Variants in PLPPR1 observed in about 807,000 individuals in gnomAD.
PLPPR1 encodes phospholipid phosphatase related 1, also known as phospholipid phosphatase-related protein type 1.
PLPPR1 carries 10 observed loss-of-function variants against 33.1 expected under a neutral mutation model. That is an observed-to-expected ratio of 0.30 (90% CI 0.19 to 0.51). PLPPR1 has a LOEUF of 0.51. Among genes scored for constraint, PLPPR1 ranks in the 20% least tolerant of loss-of-function variants. The pLI is 0.97. For missense variants in PLPPR1, 304 were observed against 408.1 expected (o/e 0.74, Z 2.20); for synonymous variants, 151 against 151.0 (o/e 1.00, Z 0.00).
At chr9:101,184,317 G>A (rs1469042063) in intron 1 of PLPPR1, among the ~76,000 whole-genome samples, 1 of 151,346 alleles carries the variant, frequency 6.6e-6, no homozygotes, top group Non-Finnish European at 1.5e-5. Flanking sequence ...GTGAGGAGTT[G>A]ATATCTCAAA....
intron 3 of PLPPR1, among the ~76,000 whole-genome samples, chr9:101,272,087 T>C (rs959093206): frequency 6.6e-6 from 1 of 152,174 alleles, no homozygotes; most frequent in African/African-American, 2.4e-5. Context: ...AAGTTGTATA[T>C]ACAATTCTGT....
intron 2 of PLPPR1, among the ~76,000 whole-genome samples, chr9:101,211,730 G>A (rs1361527017): frequency 1.3e-5 from 2 of 152,166 alleles, no homozygotes; most frequent in Non-Finnish European, 2.9e-5. Context: ...AAAGATTTTA[G>A]TCTTTTGGAC....
chr9:101,102,241 C>A (rs1216124419), intron 1 of PLPPR1, among the ~76,000 whole-genome samples: 1 of 124,126 alleles, frequency 8.1e-6, no homozygotes, highest in Non-Finnish European at 1.6e-5. Flanking sequence ...GTGCGCTGCA[C>A]CCACTAACTC....
At chr9:101,263,989 G>A (rs1047073154) in intron 2 of PLPPR1, among the ~76,000 whole-genome samples, 4 of 151,898 alleles carry the variant, frequency 2.6e-5, no homozygotes, top group Non-Finnish European at 2.9e-5. Flanking sequence ...CCTCTCAGGG[G>A]GTCAAACTTA....
intron 1 of PLPPR1, among the ~76,000 whole-genome samples, chr9:101,088,068 A>G (rs1252223169): frequency 6.6e-6 from 1 of 152,128 alleles, no homozygotes; most frequent in African/African-American, 2.4e-5. Flanking sequence ...ACCCTTACTG[A>G]TAGTTTGGAA....
intron 1 of PLPPR1, among the ~76,000 whole-genome samples, chr9:101,139,475 A>G (rs1003833027): frequency 6.6e-6 from 1 of 152,212 alleles, no homozygotes; most frequent in African/African-American, 2.4e-5. Context: ...CTCTATAGAC[A>G]TTTAAAAAGC....
chr9:101,250,100 A>C (rs1827690248), intron 2 of PLPPR1, among the ~76,000 whole-genome samples: 1 of 152,038 alleles, frequency 6.6e-6, no homozygotes, highest in Non-Finnish European at 1.5e-5. Context: ...GTTAGTACCA[A>C]AGGCTTATTA....
chr9:101,213,396 A>G (rs1419470061), intron 2 of PLPPR1, among the ~76,000 whole-genome samples: 1 of 152,222 alleles, frequency 6.6e-6, no homozygotes, highest in Non-Finnish European at 1.5e-5. Flanking sequence ...TAAATTCAAA[A>G]TAAGGAATCT....
At chr9:101,247,398 C>G (rs1255682327) in intron 2 of PLPPR1, among the ~76,000 whole-genome samples, 1 of 152,038 alleles carries the variant, frequency 6.6e-6, no homozygotes, top group Non-Finnish European at 1.5e-5. Context: ...CACTTAGCAT[C>G]TGAGAGGCGA....
intron 2 of PLPPR1, among the ~76,000 whole-genome samples, chr9:101,229,154 G>C (rs1271293483): frequency 1.3e-5 from 2 of 152,124 alleles, no homozygotes; most frequent in African/African-American, 2.4e-5. Context: ...GAGCCACAAT[G>C]ATACATTAAT....
intron 2 of PLPPR1, among the ~76,000 whole-genome samples, chr9:101,237,844 A>ATG (rs201614576): frequency 1.0e-4 from 11 of 106,158 alleles, no homozygotes; most frequent in African/African-American, 3.0e-4. Context: ...TATGCTATAT[A>ATG]TGTGTGTGTG....
intron 5 of PLPPR1, among the ~76,000 whole-genome samples, chr9:101,310,698 G>A (rs1344759877): frequency 6.6e-6 from 1 of 152,182 alleles, no homozygotes; most frequent in African/African-American, 2.4e-5. Context: ...TTAATACACA[G>A]TCATTCTTTG....
intron 1 of PLPPR1, among the ~76,000 whole-genome samples, chr9:101,039,824 C>A (rs1830054706): frequency 6.6e-6 from 1 of 151,638 alleles, no homozygotes; most frequent in African/African-American, 2.4e-5. Context: ...ATAATTTAGT[C>A]ACCTCCCACC....
intron 1 of PLPPR1, among the ~76,000 whole-genome samples, chr9:101,117,017 GT>G (rs1831125880): frequency 1.3e-5 from 2 of 151,940 alleles, no homozygotes; most frequent in Non-Finnish European, 2.9e-5. Context: ...TCATATCATC[GT>G]TCCTATTCAG....
At chr9:101,289,815 T>A (rs1828461465) in intron 4 of PLPPR1, among the ~76,000 whole-genome samples, 1 of 152,236 alleles carries the variant, frequency 6.6e-6, no homozygotes, top group Non-Finnish European at 1.5e-5. Context: ...CTCAGGTATG[T>A]CTTTATTAGG....
intron 2 of PLPPR1, among the ~76,000 whole-genome samples, chr9:101,236,408 G>T (rs1191209284): frequency 6.6e-6 from 1 of 151,346 alleles, no homozygotes; most frequent in African/African-American, 2.4e-5. Context: ...CTCTTCCCTA[G>T]GAAAAGTAAT....
intron 1 of PLPPR1, among the ~76,000 whole-genome samples, chr9:101,048,231 G>T (rs1354674224): frequency 6.6e-6 from 1 of 152,196 alleles, no homozygotes; most frequent in African/African-American, 2.4e-5. Flanking sequence ...ATGCCAAATA[G>T]GCTTGTTCTG....
chr9:101,034,380 G>C (rs1415609307), intron 1 of PLPPR1, among the ~76,000 whole-genome samples: 2 of 152,120 alleles, frequency 1.3e-5, no homozygotes, highest in Non-Finnish European at 2.9e-5. Context: ...GAATGTCCTG[G>C]AAACTTAAGG....
chr9:101,293,755 C>G lies in PLPPR1; in HGVS notation c.385+7519C>G, dbSNP rs1033967697. Among the ~76,000 whole-genome samples the G allele has an allele frequency of 3.9e-5, 6 of 152,046 alleles. No homozygotes were observed. The East Asian group carries it at 1.2e-3, about 29-fold the overall frequency. ...AAATAAAGATGTTCTTTGAAACCAA[C>G]GAGAACAAAGACACAACATACCAGA... On this transcript the variant is annotated intron_variant, in intron 4 of 7. Coordinates refer to ENST00000374874, the MANE Select transcript of PLPPR1 (RefSeq NM_207299.2).
Sources: allele counts gnomAD v4.1 joint callset (sites outside exome capture counted in the v4.1 genomes callset), GRCh38; gene constraint gnomAD v4.1.1; transcripts MANE v1.5; gene names NCBI Gene and HGNC (gene_info 2026-07-23, HGNC 2026-07-21).